Variants in KCNG2 observed in about 807,000 individuals in gnomAD.
The protein encoded by KCNG2 is potassium voltage-gated channel modifier subfamily G member 2, also known as voltage-gated potassium channel regulatory subunit KCNG2.
KCNG2 carries 7 observed loss-of-function variants against 12.3 expected under a neutral mutation model. That is an observed-to-expected ratio of 0.57 (90% CI 0.32 to 1.07). The LOEUF (loss-of-function observed/expected upper bound fraction) is 1.07. Among genes scored for constraint, KCNG2 ranks in the 50% least tolerant of loss-of-function variants. The probability of loss-of-function intolerance (pLI) is 0.04; values close to 1 mark genes in which losing one functional copy is unlikely to be tolerated. For missense variants in KCNG2, 703 were observed against 726.0 expected (o/e 0.97, Z 0.36); for synonymous variants, 414 against 351.4 (o/e 1.18, Z -1.99).
chr18:79,890,947 T>TCC (rs57828123), intron 3 of KCNG2, among the ~76,000 whole-genome samples: 1 of 151,088 alleles, frequency 6.6e-6, no homozygotes, highest in Non-Finnish European at 1.5e-5. Flanking sequence ...TGGAATTTTC[T>TCC]TTTTCTTCTG....
intron 1 of KCNG2, among the ~76,000 whole-genome samples, chr18:79,811,677 GGCTTCACCAATCAACGATGGGTTTAAAAT>G (rs1479362491): frequency 6.6e-6 from 1 of 152,122 alleles, no homozygotes; most frequent in African/African-American, 2.4e-5. Context: ...TTTTAAAGTA[GGCTTCACCAATCAACGATGGGTTTAAAAT>G]GCTTCACCAA....
At chr18:79,861,984 T>C (rs1979238934) in intron 2 of KCNG2, among the ~76,000 whole-genome samples, 1 of 152,272 alleles carries the variant, frequency 6.6e-6, no homozygotes, top group Non-Finnish European at 1.5e-5. Context: ...TCACTTTTTT[T>C]TAATATAACT....
intron 3 of KCNG2, among the ~76,000 whole-genome samples, chr18:79,885,190 G>A (rs551951686): frequency 6.6e-5 from 10 of 152,268 alleles, no homozygotes; most frequent in African/African-American, 2.4e-4. Context: ...CGCAGGAGCC[G>A]GCCCTGGCAC....
At chr18:79,890,131 T>C (rs1980694090) in intron 3 of KCNG2, among the ~76,000 whole-genome samples, 1 of 152,210 alleles carries the variant, frequency 6.6e-6, no homozygotes, top group African/African-American at 2.4e-5. Context: ...TGATATTTTC[T>C]TGAATCTTTT....
At chr18:79,829,604 G>C (rs4799091) in intron 1 of KCNG2, among the ~76,000 whole-genome samples, 1 of 152,020 alleles carries the variant, frequency 6.6e-6, no homozygotes, top group Non-Finnish European at 1.5e-5. Context: ...GCCTCACACC[G>C]GTCCTTCTCT....
At chr18:79,858,448 A>G (rs1979099181) in intron 2 of KCNG2, among the ~76,000 whole-genome samples, 1 of 152,104 alleles carries the variant, frequency 6.6e-6, no homozygotes, top group African/African-American at 2.4e-5. Context: ...GGAGGCCCAT[A>G]TTTTGCTTCT....
At chr18:79,833,743 C>T (rs2123027999) in intron 1 of KCNG2, among the ~76,000 whole-genome samples, 1 of 152,180 alleles carries the variant, frequency 6.6e-6, no homozygotes, top group East Asian at 1.9e-4. Flanking sequence ...AGGTGGTGCC[C>T]AGTGTGGCAG....
chr18:79,857,078 CCCCACAGCCCT>C, intron 2 of KCNG2, among the ~76,000 whole-genome samples: 1 of 116,038 alleles, frequency 8.6e-6, no homozygotes, highest in African/African-American at 3.5e-5. Context: ...CCACAGCCGC[CCCCACAGCCCT>C]GTGTGGTATT....
At chr18:79,881,481 A>C (rs1042964127) in intron 3 of KCNG2, among the ~76,000 whole-genome samples, 5 of 152,256 alleles carry the variant, frequency 3.3e-5, no homozygotes, top group African/African-American at 1.2e-4. Flanking sequence ...TTGGAATTCA[A>C]ATTTTTTAAA....
chr18:79,849,820 G>A (rs534232904), intron 1 of KCNG2, among the ~76,000 whole-genome samples: 3 of 152,276 alleles, frequency 2.0e-5, no homozygotes, highest in South Asian at 2.1e-4. Context: ...AGCCCCCCAC[G>A]TAATCACACA....
At chr18:79,866,808 G>GCTGAGAGGTCTAGGTGCTGAGGTCTGTT (rs1979593849) in intron 3 of KCNG2, among the ~76,000 whole-genome samples, 1 of 124,520 alleles carries the variant, frequency 8.0e-6, no homozygotes, top group African/African-American at 2.9e-5. Context: ...TGAGGTCTGT[G>GCTGAGAGGTCTAGGTGCTGAGGTCTGTT]TGTCTGTGTG....
intron 3 of KCNG2, among the ~76,000 whole-genome samples, chr18:79,888,195 A>C (rs1980601466): frequency 6.6e-6 from 1 of 152,206 alleles, no homozygotes; most frequent in Non-Finnish European, 1.5e-5. Context: ...AGCACCCGCC[A>C]GGCCCAGATT....
intron 1 of KCNG2, among the ~76,000 whole-genome samples, chr18:79,834,105 A>C (rs1978310536): frequency 6.6e-6 from 1 of 152,160 alleles, no homozygotes; most frequent in Non-Finnish European, 1.5e-5. Flanking sequence ...CTTCACGTTA[A>C]AGCGTGTCGA....
intron 1 of KCNG2, among the ~76,000 whole-genome samples, chr18:79,830,811 C>T (rs1289924680): frequency 1.5e-5 from 2 of 134,500 alleles, no homozygotes; most frequent in African/African-American, 5.6e-5. Context: ...CAGGAGGGTT[C>T]CCTGCATACA....
chr18:79,825,371 G>A (rs1468868249), intron 1 of KCNG2, among the ~76,000 whole-genome samples: 1 of 152,210 alleles, frequency 6.6e-6, no homozygotes, highest in East Asian at 1.9e-4. Flanking sequence ...TCATCCTACA[G>A]CTATAAGCCT....
At chr18:79,847,129 C>T (rs779933374) in intron 1 of KCNG2, among the ~76,000 whole-genome samples, 4 of 152,228 alleles carry the variant, frequency 2.6e-5, no homozygotes, top group Non-Finnish European at 5.9e-5. Flanking sequence ...GCTTTAAGTC[C>T]TGAACAGTTG....
At chr18:79,824,372 CT>C (rs34524384) in intron 1 of KCNG2, among the ~76,000 whole-genome samples, 2 of 152,230 alleles carry the variant, frequency 1.3e-5, no homozygotes, top group Non-Finnish European at 2.9e-5. Context: ...TAGCCTGCTA[CT>C]TTTCTGAATT....
chr18:79,882,597 A>T (rs188051162), intron 3 of KCNG2, among the ~76,000 whole-genome samples: 1 of 152,276 alleles, frequency 6.6e-6, no homozygotes, highest in Non-Finnish European at 1.5e-5. Flanking sequence ...TTAGGGAAAT[A>T]CAGAGTTAAG....
intron 2 of KCNG2, among the ~76,000 whole-genome samples, chr18:79,856,855 C>T (rs1441499058): frequency 6.6e-6 from 1 of 151,850 alleles, no homozygotes; most frequent in Non-Finnish European, 1.5e-5. Flanking sequence ...CTGGGGAGGC[C>T]GGCAGGTTGG....
Sources: gnomAD v4.1 joint callset for allele counts (sites outside exome capture counted in the v4.1 genomes callset) on GRCh38, gnomAD v4.1.1 for gene constraint, MANE v1.5 for transcripts, NCBI Gene and HGNC (gene_info 2026-07-23, HGNC 2026-07-21) for gene names.